Variants in IFT46 observed in about 807,000 individuals in gnomAD.
IFT46 encodes the protein intraflagellar transport 46, also known as intraflagellar transport protein 46 homolog.
IFT46 carries 19 observed loss-of-function variants against 39.6 expected under a neutral mutation model. That is an observed-to-expected ratio of 0.48 (90% confidence interval 0.33 to 0.70). The LOEUF (loss-of-function observed/expected upper bound fraction) is 0.70. Ranked by LOEUF, IFT46 falls within the 30% of genes least tolerant of loss-of-function variation. The pLI is 0.01. For missense variants in IFT46, 334 were observed against 364.8 expected (o/e 0.92, Z 0.69); for synonymous variants, 117 against 134.8 (o/e 0.87, Z 0.91).
exon 1 of IFT46, chr11:118,572,794 T>A: frequency 2.1e-6 from 1 of 466,344 alleles, no homozygotes. Flanking sequence ...CTGGACTCCC[T>A]CGTTTGCTGG....
intron 9 of IFT46, 34 bp downstream of exon 9, chr11:118,551,752 T>TAA: frequency 6.4e-7 from 1 of 1,557,880 alleles, no homozygotes; most frequent in Non-Finnish European, 8.9e-7. Flanking sequence ...AATACTGTAC[T>TAA]TTCTTACCCT....
At chr11:118,546,282 G>C in intron 9 of IFT46, 1 of 648,916 alleles carries the variant, frequency 1.5e-6, no homozygotes, top group Non-Finnish European at 2.8e-6. Flanking sequence ...CAGATCGCCT[G>C]AGCCTAGGAG....
At chr11:118,562,816 A>T (rs1204107109) in intron 2 of IFT46, among the ~76,000 whole-genome samples, 2 of 152,250 alleles carry the variant, frequency 1.3e-5, no homozygotes, top group Non-Finnish European at 2.9e-5. Flanking sequence ...CTGTAATCCC[A>T]ACACTTTGGG....
chr11:118,552,974 G>A (rs1008928515), intron 7 of IFT46, among the ~76,000 whole-genome samples: 5 of 150,348 alleles, frequency 3.3e-5, no homozygotes, highest in Non-Finnish European at 7.4e-5. Context: ...GGTCTGTCCC[G>A]GCTACTTGGG....
At chr11:118,567,856 T>A (rs1555071781), upstream of IFT46, among the ~76,000 whole-genome samples, 1 of 152,126 alleles carries the variant, frequency 6.6e-6, no homozygotes, top group East Asian at 1.9e-4. Flanking sequence ...CACAACCTTA[T>A]GAGATAGATG....
At chr11:118,575,135 C>T (rs1340082622), upstream of IFT46, among the ~76,000 whole-genome samples, 1 of 152,062 alleles carries the variant, frequency 6.6e-6, no homozygotes, top group Non-Finnish European at 1.5e-5. Context: ...CCTGCCACCA[C>T]GCCCAACTAC....
chr11:118,553,792 T>C (rs549207357), intron 7 of IFT46, among the ~76,000 whole-genome samples: 1 of 152,306 alleles, frequency 6.6e-6, no homozygotes, highest in East Asian at 1.9e-4. Flanking sequence ...GTGGATATTA[T>C]TCAGCCATAA....
chr11:118,566,590 G>T (rs1175871175), upstream of IFT46, among the ~76,000 whole-genome samples: 7 of 152,232 alleles, frequency 4.6e-5, no homozygotes, highest in African/African-American at 1.7e-4. Context: ...CTACTCGAGA[G>T]GCTGAGGCAG....
rs1205953002 is a variant in IFT46, at chr11:118,549,925, C to CT, written c.672+1860dup. 7.3e-3 allele frequency among the ~76,000 whole-genome samples: 990 copies of CT among 136,004 alleles called. 8 individuals carry two copies. The highest frequency in any genetic ancestry group is 0.022 in the African/African-American group (800 of 37,052). 89.2% of individuals were successfully genotyped at this position (136,004 alleles called of 152,430 possible). Reference sequence around the variant, plus strand: ...ATCTCAGCCTCCCACTCCATTATGACTTTTTTTTTTTTTTTTGAGATGGAG... The same window carrying CT: ...ATCTCAGCCTCCCACTCCATTATGACTTTTTTTTTTTTTTTTTGAGATGGAG... On this transcript the variant is annotated intron_variant, in intron 9 of 11. Transcript: ENST00000264021.
At chr11:118,553,567 A>G (rs1441374889) in intron 7 of IFT46, among the ~76,000 whole-genome samples, 1 of 152,194 alleles carries the variant, frequency 6.6e-6, no homozygotes, top group Non-Finnish European at 1.5e-5. Context: ...GGAATGTAAA[A>G]TGGTACAGCC....
intron 3 of IFT46, among the ~76,000 whole-genome samples, chr11:118,559,412 TA>T (rs1937953562): frequency 6.6e-6 from 1 of 152,192 alleles, no homozygotes; most frequent in South Asian, 2.1e-4. Context: ...CGCTTTAGCA[TA>T]AAATTACCTG....
upstream of IFT46, among the ~76,000 whole-genome samples, chr11:118,574,058 A>T (rs1938423810): frequency 6.6e-6 from 1 of 152,212 alleles, no homozygotes; most frequent in African/African-American, 2.4e-5. Flanking sequence ...TAGTATTTTT[A>T]ATTCATTGAT....
upstream of IFT46, among the ~76,000 whole-genome samples, chr11:118,570,201 G>A (rs1420333661): frequency 1.3e-5 from 2 of 151,564 alleles, no homozygotes; most frequent in Non-Finnish European, 2.9e-5. Context: ...CTACAGGCAC[G>A]CGCCACCATG....
At chr11:118,552,059 T>C (rs1937659356) in intron 8 of IFT46, among the ~76,000 whole-genome samples, 155 bp downstream of exon 8, 1 of 152,170 alleles carries the variant, frequency 6.6e-6, no homozygotes, top group African/African-American at 2.4e-5. Flanking sequence ...TTACAATCTT[T>C]ATGTCTACAA....
chr11:118,554,778 C>G (rs1937770983), intron 6 of IFT46, among the ~76,000 whole-genome samples, 191 bp from the exon 7 acceptor site: 1 of 152,086 alleles, frequency 6.6e-6, no homozygotes, highest in African/African-American at 2.4e-5. Flanking sequence ...AATTAGGAAG[C>G]AAATACATGA....
intron 2 of IFT46, chr11:118,560,459 G>GGGGAA: frequency 6.3e-6 from 1 of 158,118 alleles, no homozygotes; most frequent in Non-Finnish European, 1.3e-5. Flanking sequence ...GGGGAGGGGA[G>GGGGAA]GGGAGGGGAG....
At chr11:118,572,685 G>A in exon 1 of IFT46, 1 of 1,139,918 alleles carries the variant, frequency 8.8e-7, no homozygotes, top group Non-Finnish European at 1.3e-6. Context: ...CGGGCTCGGG[G>A]AGCAGTGTGG....
At chr11:118,550,280 T>G (rs1312488338) in intron 9 of IFT46, among the ~76,000 whole-genome samples, 1 of 152,192 alleles carries the variant, frequency 6.6e-6, no homozygotes, top group Non-Finnish European at 1.5e-5. Flanking sequence ...AAGTTTCTTA[T>G]TACACTGAGA....
At chr11:118,561,376 C>T (rs1591370707) in intron 2 of IFT46, 13 of 849,476 alleles carry the variant, frequency 1.5e-5, no homozygotes, top group East Asian at 1.2e-4. Context: ...TAAAGAAGAG[C>T]GTAACTCCAG....
Sources: gnomAD v4.1 joint callset for allele counts (sites outside exome capture counted in the v4.1 genomes callset) on GRCh38, gnomAD v4.1.1 for gene constraint, MANE v1.5 for transcripts, NCBI Gene and HGNC (gene_info 2026-07-23, HGNC 2026-07-21) for gene names.